The following CTNNA2 variants were observed in gnomAD, a reference collection of about 807,000 sequenced individuals.
CTNNA2 encodes catenin alpha 2.
Under a neutral mutation model 101.0 loss-of-function variants are expected in CTNNA2, and 42 were observed. That is an observed-to-expected ratio of 0.42 (90% confidence interval 0.32 to 0.54). CTNNA2 has a LOEUF of 0.54. CTNNA2 is among the 20% of genes least tolerant of loss of function. The pLI is 0.14. For synonymous variants in CTNNA2, 450 were observed against 456.4 expected, an observed-to-expected ratio of 0.99 and a Z score of 0.18; for missense variants, 871 against 1,223.1, an observed-to-expected ratio of 0.71 and a Z score of 4.29.
chr2:79,365,282 T>A (rs201397689), intron 3 of CTNNA2, among the ~76,000 whole-genome samples: 5 of 148,562 alleles, frequency 3.4e-5, no homozygotes, highest in Non-Finnish European at 3.0e-5. Flanking sequence ...ATCTCAAAAA[T>A]AAAAAAAAAA....
intron 1 of CTNNA2, among the ~76,000 whole-genome samples, chr2:79,532,067 C>T (rs974897187): frequency 6.6e-6 from 1 of 152,024 alleles, no homozygotes; most frequent in East Asian, 1.9e-4. Context: ...CTGTTACAGA[C>T]GCTGGTTTGG....
At chr2:80,289,212 T>C (rs1675025367) in intron 7 of CTNNA2, 1 of 152,074 alleles carries the variant, frequency 6.6e-6, no homozygotes, top group South Asian at 2.1e-4. Flanking sequence ...AGAACCATAA[T>C]ATTAAAATAA....
intron 3 of CTNNA2, among the ~76,000 whole-genome samples, chr2:79,787,870 A>C (rs1674970004): frequency 6.6e-6 from 1 of 151,994 alleles, no homozygotes; most frequent in Non-Finnish European, 1.5e-5. Context: ...CCAGACCTAT[A>C]GTTTAACCAC....
chr2:80,518,056 C>T (rs778927070), intron 9 of CTNNA2, among the ~76,000 whole-genome samples: 7 of 152,190 alleles, frequency 4.6e-5, no homozygotes, highest in Non-Finnish European at 1.0e-4. Flanking sequence ...TGCCATTAGA[C>T]TGCAGATAGC....
At position 80,510,846 on chromosome 2, in the gene CTNNA2, C is replaced by G. The variant is rs566954943; in HGVS notation, c.1291-34136C>G. Among the ~76,000 whole-genome samples, 11 of 152,198 alleles carry G rather than the reference C, an allele frequency of 7.2e-5. No individual in the cohort carries two copies. In the South Asian group the frequency reaches 2.3e-3, roughly 32 times the overall value. ...CTAAATGGTCACGTGTGTCCTCTACCCCTTGTTCCACATTCATTCTCTGTA... is the reference window on the plus strand; with the variant it reads ...CTAAATGGTCACGTGTGTCCTCTACGCCTTGTTCCACATTCATTCTCTGTA... On this transcript the variant is annotated intron_variant, in intron 9 of 18. Coordinates refer to ENST00000402739, the MANE Select transcript of CTNNA2 (RefSeq NM_001282597.3).
chr2:80,606,642 A>G (rs1698055472), intron 16 of CTNNA2, among the ~76,000 whole-genome samples: 1 of 151,902 alleles, frequency 6.6e-6, no homozygotes, highest in African/African-American at 2.4e-5. Flanking sequence ...CCTTGATTCA[A>G]CATGCCTTTT....
chr2:79,927,011 G>T (rs1031508122), intron 7 of CTNNA2, among the ~76,000 whole-genome samples: 5 of 152,220 alleles, frequency 3.3e-5, no homozygotes, highest in African/African-American at 1.2e-4. Flanking sequence ...AGCAATAAGA[G>T]AAATCAAAGA....
intron 14 of CTNNA2, among the ~76,000 whole-genome samples, chr2:80,589,078 A>AT (rs1233365455): frequency 6.6e-6 from 1 of 152,020 alleles, no homozygotes; most frequent in East Asian, 1.9e-4. Flanking sequence ...GTAGCTTTGG[A>AT]TATCTCTGTA....
At chr2:80,617,502 C>A (rs2149800181) in intron 17 of CTNNA2, among the ~76,000 whole-genome samples, 1 of 151,848 alleles carries the variant, frequency 6.6e-6, no homozygotes, top group South Asian at 2.1e-4. Context: ...AGTATCATTG[C>A]CTCTTCTGTT....
chr2:79,438,805 A>G (rs543673920), intron 4 of CTNNA2, among the ~76,000 whole-genome samples: 16 of 152,346 alleles, frequency 1.1e-4, no homozygotes, highest in African/African-American at 3.8e-4. Context: ...TGGGCAGAAA[A>G]TACCTGAAAA....
chr2:79,209,933 A>C (rs890988275), intron 2 of CTNNA2, among the ~76,000 whole-genome samples: 15 of 151,390 alleles, frequency 9.9e-5, no homozygotes, highest in Non-Finnish European at 1.9e-4. Context: ...CTTTTGCCTG[A>C]TCAACAGTTT....
intron 6 of CTNNA2, among the ~76,000 whole-genome samples, chr2:79,904,028 T>C (rs1463009537): frequency 6.6e-6 from 1 of 152,140 alleles, no homozygotes; most frequent in African/African-American, 2.4e-5. Flanking sequence ...TGTAATATTT[T>C]TCATATAATA....
At chr2:80,328,267 C>T (rs1204200291) in intron 7 of CTNNA2, 3 of 470,728 alleles carry the variant, frequency 6.4e-6, no homozygotes, top group Non-Finnish European at 1.3e-5. Context: ...CATTAAAGGG[C>T]CGATAACAAC....
chr2:80,073,299 G>C (rs1028801901), intron 7 of CTNNA2, among the ~76,000 whole-genome samples: 1 of 152,186 alleles, frequency 6.6e-6, no homozygotes, highest in African/African-American at 2.4e-5. Context: ...AGGCAGAGAG[G>C]TTCCTTGCTG....
At chr2:79,254,540 G>A (rs188164184) in intron 2 of CTNNA2, among the ~76,000 whole-genome samples, 14 of 152,222 alleles carry the variant, frequency 9.2e-5, no homozygotes, top group Middle Eastern at 6.8e-3. Context: ...AAATCTCCCC[G>A]AGGCTTCCCC....
At chr2:80,433,155 G>A (rs1559105984) in intron 9 of CTNNA2, among the ~76,000 whole-genome samples, 1 of 150,826 alleles carries the variant, frequency 6.6e-6, no homozygotes, top group South Asian at 2.1e-4. Context: ...GTGACTTCAA[G>A]TATCTCTGTT....
chr2:80,544,456 C>G (rs544818896), intron 9 of CTNNA2, among the ~76,000 whole-genome samples: 1 of 152,010 alleles, frequency 6.6e-6, no homozygotes, highest in Non-Finnish European at 1.5e-5. Flanking sequence ...TTACATTGCT[C>G]ATAACAGCTG....
intron 4 of CTNNA2, among the ~76,000 whole-genome samples, chr2:79,466,618 A>G (rs1479686009): frequency 6.6e-6 from 1 of 152,180 alleles, no homozygotes; most frequent in East Asian, 1.9e-4. Context: ...CCTAACTGGG[A>G]GGCATCCCCA....
At chr2:80,237,718 A>C (rs988312143) in intron 7 of CTNNA2, among the ~76,000 whole-genome samples, 4 of 152,216 alleles carry the variant, frequency 2.6e-5, no homozygotes, top group Admixed American at 1.3e-4. Flanking sequence ...AAGGATCTGC[A>C]TTGATGTTTC....
Sources: gnomAD v4.1 joint callset for allele counts (sites outside exome capture counted in the v4.1 genomes callset) on GRCh38, gnomAD v4.1.1 for gene constraint, MANE v1.5 for transcripts, NCBI Gene and HGNC (gene_info 2026-07-23, HGNC 2026-07-21) for gene names.